The following CADPS variants were observed in gnomAD, a reference collection of about 807,000 sequenced individuals.
The protein encoded by CADPS is calcium-dependent secretion activator 1.
In CADPS, 57 loss-of-function variants were observed where a neutral mutation model predicts 167.3. That is an observed-to-expected ratio of 0.34 (90% CI 0.28 to 0.42). The LOEUF (loss-of-function observed/expected upper bound fraction) is 0.42, where lower values mean the gene tolerates loss of function less well. CADPS is among the 20% of genes least tolerant of loss of function. The pLI is 1.00. For synonymous variants in CADPS, 676 were observed against 635.3 expected (o/e 1.06, Z -0.96); for missense variants, 1,414 against 1,738.1 (o/e 0.81, Z 3.32).
At chr3:62,695,913 A>AT (rs1193058317) in intron 3 of CADPS, among the ~76,000 whole-genome samples, 2 of 152,122 alleles carry the variant, frequency 1.3e-5, no homozygotes, top group East Asian at 3.9e-4. Context: ...TCAAGTTAGT[A>AT]TATAAGCTTC....
chr3:62,837,067 T>C (rs17067248), intron 1 of CADPS, among the ~76,000 whole-genome samples: 16,872 of 152,210 alleles, frequency 0.11, 1,021 homozygotes, highest in Non-Finnish European at 0.13. Flanking sequence ...TTAAAGCTCC[T>C]CTTGCAGGTA....
intron 4 of CADPS, among the ~76,000 whole-genome samples, chr3:62,655,138 CTG>C (rs775240627): frequency 2.3e-4 from 35 of 152,274 alleles, no homozygotes; most frequent in Middle Eastern, 6.8e-3. Flanking sequence ...CTCATAAAAA[CTG>C]AAGTCTGCAA....
At chr3:62,736,213 T>C (rs1306372955) in intron 3 of CADPS, among the ~76,000 whole-genome samples, 1 of 152,226 alleles carries the variant, frequency 6.6e-6, no homozygotes, top group African/African-American at 2.4e-5. Context: ...TGCTTTGTTG[T>C]AGAGCTGTGA....
intron 3 of CADPS, among the ~76,000 whole-genome samples, chr3:62,715,526 T>A (rs9879877): frequency 0.64 from 96,247 of 150,146 alleles, 31,203 homozygotes; most frequent in East Asian, 0.77. Flanking sequence ...TTAGAAAACA[T>A]TGCCACATAT....
chr3:62,441,164 C>T (rs1446225681), intron 27 of CADPS: 2 of 152,230 alleles, frequency 1.3e-5, no homozygotes, highest in African/African-American at 4.8e-5. Context: ...GCTACCCGCA[C>T]ACACTGGGAC....
intron 6 of CADPS, among the ~76,000 whole-genome samples, chr3:62,615,327 C>A (rs189337367): frequency 6.6e-6 from 1 of 152,144 alleles, no homozygotes; most frequent in South Asian, 2.1e-4. Flanking sequence ...GGAATGGCAG[C>A]TTTGAAAGGG....
chr3:62,649,658 T>C (rs1195641277), intron 5 of CADPS, among the ~76,000 whole-genome samples: 1 of 146,426 alleles, frequency 6.8e-6, no homozygotes, highest in Non-Finnish European at 1.5e-5. Flanking sequence ...TCTCCCTAGC[T>C]AAATTGATCC....
intron 7 of CADPS, among the ~76,000 whole-genome samples, chr3:62,588,011 G>T (rs1284084973): frequency 6.6e-6 from 1 of 152,166 alleles, no homozygotes. Context: ...TTCAGCCGAG[G>T]ACCATGTGTG....
intron 3 of CADPS, among the ~76,000 whole-genome samples, chr3:62,708,918 T>G (rs2082841979): frequency 1.3e-5 from 2 of 151,924 alleles, no homozygotes; most frequent in African/African-American, 4.8e-5. Context: ...CAGAACACAA[T>G]TAGCTACTGG....
Position 62,817,176 on chromosome 3 carries a change from T to C in CADPS, c.442-51192A>G, listed in dbSNP as rs143676579. Among the ~76,000 whole-genome samples the C allele has an allele frequency of 4.1e-4, 62 of 152,078 alleles. No homozygotes were observed. In the East Asian group the frequency reaches 0.01, roughly 26 times the overall value. The stretch of plus-strand genomic sequence containing the variant: ...GTTGACTGAAGAGCCTTTGTAAACA[T>C]CACGATAACAGAATATTTGATAGAC... On this transcript the variant is annotated intron_variant, in intron 1 of 29. Coordinates refer to ENST00000383710, the MANE Select transcript of CADPS (RefSeq NM_003716.4).
chr3:62,413,559 G>A (rs1169416957), intron 28 of CADPS, among the ~76,000 whole-genome samples: 1 of 152,128 alleles, frequency 6.6e-6, no homozygotes, highest in South Asian at 2.1e-4. Flanking sequence ...ACTTATATGA[G>A]GTATCTAGAA....
At chr3:62,572,239 G>A (rs2081423186) in intron 8 of CADPS, among the ~76,000 whole-genome samples, 1 of 152,122 alleles carries the variant, frequency 6.6e-6, no homozygotes, top group Non-Finnish European at 1.5e-5. Flanking sequence ...AAACCCAGGA[G>A]TCATCCTGGG....
chr3:62,676,197 T>A (rs569190299), intron 3 of CADPS, among the ~76,000 whole-genome samples: 5 of 152,280 alleles, frequency 3.3e-5, no homozygotes, highest in African/African-American at 1.2e-4. Context: ...CTTGTTGTAT[T>A]GTAAGGTAAG....
intron 27 of CADPS, chr3:62,440,754 A>G (rs1466990520): frequency 6.6e-6 from 1 of 152,184 alleles, no homozygotes; most frequent in Non-Finnish European, 1.5e-5. Flanking sequence ...AACTGTGCAG[A>G]TAAGAGAGAG....
chr3:62,670,025 A>T (rs908133264), intron 3 of CADPS, among the ~76,000 whole-genome samples: 3 of 152,182 alleles, frequency 2.0e-5, no homozygotes, highest in African/African-American at 7.2e-5. Context: ...CCTTAGGAAA[A>T]AAATCATGGA....
At chr3:62,787,605 C>A (rs1336186241) in intron 1 of CADPS, among the ~76,000 whole-genome samples, 2 of 151,900 alleles carry the variant, frequency 1.3e-5, no homozygotes, top group Non-Finnish European at 2.9e-5. Context: ...AAGAGGGTAT[C>A]CTCAAAATGT....
intron 1 of CADPS, among the ~76,000 whole-genome samples, chr3:62,766,890 G>T (rs1576103657): frequency 6.6e-6 from 1 of 152,132 alleles, no homozygotes; most frequent in African/African-American, 2.4e-5. Context: ...ACTGCTTGAT[G>T]ATGATTAAAT....
At chr3:62,725,301 T>C (rs2076539413) in intron 3 of CADPS, among the ~76,000 whole-genome samples, 1 of 152,244 alleles carries the variant, frequency 6.6e-6, no homozygotes. Flanking sequence ...CTTTCTATTT[T>C]GAGTAAATTT....
At chr3:62,689,336 C>T (rs929018256) in intron 3 of CADPS, among the ~76,000 whole-genome samples, 5 of 151,924 alleles carry the variant, frequency 3.3e-5, no homozygotes, top group African/African-American at 9.7e-5. Flanking sequence ...AGAGACCATA[C>T]ACAATGAACT....
Sources: gnomAD v4.1 joint callset for allele counts (sites outside exome capture counted in the v4.1 genomes callset) on GRCh38, gnomAD v4.1.1 for gene constraint, MANE v1.5 for transcripts, NCBI Gene and HGNC (gene_info 2026-07-23, HGNC 2026-07-21) for gene names.